The following MATN1 variants were observed in gnomAD, a reference collection of about 807,000 sequenced individuals.
MATN1 encodes matrilin 1.
Under a neutral mutation model 41.3 loss-of-function variants are expected in MATN1, and 34 were observed. That is an observed-to-expected ratio of 0.82 (90% CI 0.63 to 1.10). MATN1 has a LOEUF of 1.10. Ranked by LOEUF, MATN1 falls within the 50% of genes least tolerant of loss-of-function variation. The pLI, the probability that MATN1 is intolerant of heterozygous loss-of-function variation, is 0.00. For synonymous variants in MATN1, 264 were observed against 278.7 expected (o/e 0.95, Z 0.53); for missense variants, 602 against 662.4 (o/e 0.91, Z 1.00).
At chr1:30,719,005 G>T in intron 2 of MATN1, 48 bp from the exon 3 acceptor site, 1 of 1,399,546 alleles carries the variant, frequency 7.1e-7, no homozygotes, top group South Asian at 1.4e-5. Context: ...AAGCCCACGG[G>T]ACTGTCCAGG....
rs553570496 is a variant in MATN1, at chr1:30,711,607, C to A, written c.*1975G>T. The A allele has an allele frequency of 6.6e-6, 1 of 152,262 alleles. No individual in the cohort carries two copies. Among genetic ancestry groups the A allele is most frequent in the African/African-American group, 2.4e-5 (1 of 41,440 alleles). 9.4% of individuals were successfully genotyped at this position (152,262 alleles called of 1,614,324 possible). A position where few individuals can be genotyped will look rare whatever the true frequency, so the allele number is the denominator to read the frequency against. ...ACTCCACCCACCGGGCAGGGAAGAACGAGGTCCTATTCCCAGGCAGGGCTT... is the reference window on the plus strand; with the variant it reads ...ACTCCACCCACCGGGCAGGGAAGAAAGAGGTCCTATTCCCAGGCAGGGCTT... On this transcript the variant is annotated 3_prime_UTR_variant, in exon 8 of 8. Transcript: ENST00000373765.
chr1:30,722,842 G>T (rs1192653689), intron 1 of MATN1, among the ~76,000 whole-genome samples: 1 of 152,176 alleles, frequency 6.6e-6, no homozygotes, highest in East Asian at 1.9e-4. Context: ...GCTCCCTGCT[G>T]TCTACTCGCT....
chr1:30,721,539 C>T lies in MATN1; in HGVS notation c.307G>A (p.Ala103Thr), dbSNP rs368228632. 2.5e-5 allele frequency: 40 copies of T among 1,613,180 alleles called. No individual in the cohort carries two copies. The highest frequency in any genetic ancestry group is 3.3e-5 in the South Asian group (3 of 91,084). Residue 103 changes from alanine to threonine, a missense_variant, in exon 2 of 8, where the codon GCA becomes ACA. By Grantham distance (58) the Ala-to-Thr change is moderately conservative (BLOSUM62 0). Coordinates refer to ENST00000373765, the MANE Select transcript of MATN1 (RefSeq NM_002379.3). ...FSLRAHVSKA[A>T]LLQAVRRIQP... ...ATACGGCGCACAGCCTGCAGCAGTG[C>T]GGCCTTGGAGACATGAGCCCGCAGC...
rs145698521 is a variant in MATN1 at position 30,721,521 on chromosome 1, G to T, written c.325C>A (p.Arg109Ser). 10 of 1,613,098 alleles carry T rather than the reference G, an allele frequency of 6.2e-6. No homozygotes were observed. In the African/African-American group the frequency reaches 1.1e-4, roughly 17 times the overall value. ...CCTGTGGACAGCGGCTGGATACGGC[G>T]CACAGCCTGCAGCAGTGCGGCCTTG... is the stretch of plus-strand genomic sequence containing the variant. Reference protein sequence around the residue: ...VSKAALLQAVRRIQPLSTGTM... With the variant: ...VSKAALLQAVSRIQPLSTGTM... Residue 109 changes from arginine (R) to serine (S), a missense_variant, in exon 2 of 8, where the codon CGC becomes AGC. Arg to Ser is a moderately radical substitution (Grantham distance 110). Transcript: ENST00000373765.
At chr1:30,715,363 G>C (rs1294326263) in intron 5 of MATN1, 54 bp from the exon 6 acceptor site, 2 of 1,590,036 alleles carry the variant, frequency 1.3e-6, no homozygotes, top group African/African-American at 1.3e-5. Context: ...GCAACCATAT[G>C]GCTGAGCCTC....
chr1:30,713,603 G>A lies in MATN1; in HGVS notation c.1470C>T (p.Ile490=). ...AGCCTTAGACAACTGTGTTCTCCAGGATGGCCAGCCGCTTACTCACAGCTT... is the reference window on the plus strand; with the variant it reads ...AGCCTTAGACAACTGTGTTCTCCAGAATGGCCAGCCGCTTACTCACAGCTT... The part of the protein sequence containing the change: ...KLEAVSKRLA[I]LENTVV The change falls in exon 8 of 8, where the codon ATC becomes ATT. Residue 490 remains isoleucine (I), a synonymous_variant. Transcript: ENST00000373765. 3.2e-6 allele frequency: 5 copies of A among 1,554,094 alleles called. No individual in the cohort carries two copies. The highest frequency in any genetic ancestry group is 2.4e-5 in the East Asian group (1 of 41,426).
rs1261655244 is a variant in MATN1, at chr1:30,716,300, C to G, written c.816G>C (p.Ser272=). Residue 272 remains serine, a synonymous_variant, in exon 5 of 8, where the codon TCG becomes TCC. Coordinates refer to ENST00000373765, the MANE Select transcript of MATN1 (RefSeq NM_002379.3). ...CAATGAGGAAGACCAGGTCAGTGGC[C>G]GAGCTGCCACCACCACCACTGCAGA... ...CNVCSGGGGS[S]ATDLVFLIDG... is the part of the protein sequence containing the mutation. 5 of 1,613,684 alleles carry G rather than the reference C, an allele frequency of 3.1e-6. No individual in the cohort carries two copies. The highest frequency in any genetic ancestry group is 4.2e-6 in the Non-Finnish European group (5 of 1,179,832).
At chr1:30,722,863 A>G (rs1639714211) in intron 1 of MATN1, among the ~76,000 whole-genome samples, 1 of 152,182 alleles carries the variant, frequency 6.6e-6, no homozygotes, top group Non-Finnish European at 1.5e-5. Context: ...AAGGCTACAA[A>G]TGGGTAAACT....
chr1:30,718,081 G>C (rs1016233348), intron 3 of MATN1, among the ~76,000 whole-genome samples: 2 of 151,954 alleles, frequency 1.3e-5, no homozygotes, highest in Non-Finnish European at 2.9e-5. Flanking sequence ...GTCTAATCCA[G>C]GTTCCACCCC....
chr1:30,713,541 G>A lies in MATN1; in HGVS notation c.*41C>T, dbSNP rs376142553. ...AAAATGGTAAAGCTACGGCGGACAC[G>A]TGCAGGACGCTTGGAGAGGCCACAG... is the stretch of plus-strand genomic sequence containing the variant. On this transcript the variant is annotated 3_prime_UTR_variant, in exon 8 of 8. Transcript: ENST00000373765. 82 of 1,549,572 alleles carry A rather than the reference G, an allele frequency of 5.3e-5. No individual in the cohort carries two copies. Among genetic ancestry groups the A allele is most frequent in the Middle Eastern group, 1.7e-4 (1 of 5,990 alleles).
In MATN1 at chr1:30,716,347, C is replaced by T. The variant is rs116244983; in HGVS notation, c.791-22G>A. Reference sequence around the variant, plus strand: ...CAGACTGTGGAGGACAGGAAGGCAACGGGCTGAAGCTGAAGGACATAGTCA... The same window carrying T: ...CAGACTGTGGAGGACAGGAAGGCAATGGGCTGAAGCTGAAGGACATAGTCA... On this transcript the variant is annotated intron_variant, in intron 4 of 7. Coordinates refer to ENST00000373765, the MANE Select transcript of MATN1 (RefSeq NM_002379.3). 9,633 of 1,604,050 alleles carry T rather than the reference C, an allele frequency of 6.0e-3. 306 individuals carry two copies. The East Asian group carries it at 0.099, about 16-fold the overall frequency.
chr1:30,716,818 AGTGAAGCCCTC>A lies in MATN1; in HGVS notation c.751_761del (p.Glu251SerfsTer21). 1 of 1,613,998 alleles carries A rather than the reference AGTGAAGCCCTC, an allele frequency of 6.2e-7. No individual in the cohort carries two copies. The highest frequency in any genetic ancestry group is 2.2e-5 in the East Asian group (1 of 44,888). ...TGCAGGTCTTGCCGTCGCTGTTCAG[AGTGAAGCCCTC>A]GTGGCAGGCGCAGGTGTAGGAACCG... is the stretch of plus-strand genomic sequence containing the variant. On this transcript the variant is annotated frameshift_variant, in exon 4 of 8. Coordinates refer to ENST00000373765, the MANE Select transcript of MATN1 (RefSeq NM_002379.3). LOFTEE classifies it high-confidence loss of function.
rs958747206 is a variant in MATN1, at chr1:30,721,815, C to T, written c.95-64G>A. The T allele has an allele frequency of 2.2e-6, 3 of 1,365,300 alleles. No individual in the cohort carries two copies. The African/African-American group carries it at 4.3e-5, about 19-fold the overall frequency. The allele number at this position is 1,365,300 out of a possible 1,614,324, so 84.6% of individuals were successfully genotyped here. On this transcript the variant is annotated intron_variant, in intron 1 of 7. Transcript: ENST00000373765. ...ACACAGGTCAGGGACTGGGCCTGAA[C>T]ACACAGAGTGCGGCTTCTTAGATCC...
chr1:30,719,014 G>T, intron 2 of MATN1, 57 bp from the exon 3 acceptor site: 2 of 1,301,206 alleles, frequency 1.5e-6, no homozygotes, highest in Non-Finnish European at 2.0e-6. Context: ...GGACTGTCCA[G>T]GAGAGGAGGC....
At chr1:30,722,425 C>A (rs957632360) in intron 1 of MATN1, among the ~76,000 whole-genome samples, 4 of 152,266 alleles carry the variant, frequency 2.6e-5, no homozygotes, top group African/African-American at 4.8e-5. Context: ...CCAAGACACA[C>A]CCCCGAGGAG....
In MATN1 at chr1:30,721,659, A is replaced by T; in HGVS notation, c.187T>A (p.Phe63Ile). The T allele has an allele frequency of 6.2e-7, 1 of 1,613,414 alleles. No individual in the cohort carries two copies. Among genetic ancestry groups the T allele is most frequent in the Non-Finnish European group, 8.5e-7 (1 of 1,180,024 alleles). ...RPVEFEKVKVFLSQVIESLDV... is the reference protein window; with the variant it reads ...RPVEFEKVKVILSQVIESLDV... ...AGCGACTCGATGACCTGGGACAGGA[A>T]TACCTTCACTTTCTCAAATTCAACA... is the stretch of plus-strand genomic sequence containing the variant. The change falls in exon 2 of 8, where the codon TTC (phenylalanine) becomes ATC (isoleucine). Residue 63 changes from phenylalanine to isoleucine, a missense_variant. Coordinates refer to ENST00000373765, the MANE Select transcript of MATN1 (RefSeq NM_002379.3).
rs1293525148 is a variant in MATN1 at position 30,717,567 on chromosome 1, C to A, written c.665-652G>T. Among the ~76,000 whole-genome samples, 74 of 152,098 alleles carry A rather than the reference C, an allele frequency of 4.9e-4. 1 individual carries two copies. Among genetic ancestry groups the A allele is most frequent in the Non-Finnish European group, 1.5e-5 (1 of 68,032 alleles). On this transcript the variant is annotated intron_variant, in intron 3 of 7. Transcript: ENST00000373765. ...GTAGGTTTTCTGGGAGCTCTCCTTCCTGAGCTCTGGGCCCTCCTTGGTCCC... is the reference window on the plus strand; with the variant it reads ...GTAGGTTTTCTGGGAGCTCTCCTTCATGAGCTCTGGGCCCTCCTTGGTCCC...
chr1:30,722,739 C>T (rs565071252), intron 1 of MATN1, among the ~76,000 whole-genome samples: 1 of 152,308 alleles, frequency 6.6e-6, no homozygotes, highest in Non-Finnish European at 1.5e-5. Context: ...CAGGGCCGTC[C>T]CAACCCCCAA....
At chr1:30,722,994 G>A (rs962842653) in intron 1 of MATN1, among the ~76,000 whole-genome samples, 3 of 152,146 alleles carry the variant, frequency 2.0e-5, no homozygotes, top group Non-Finnish European at 4.4e-5. Flanking sequence ...TTCCCCATCT[G>A]TACAGGAAGA....
Sources: allele counts gnomAD v4.1 joint callset (sites outside exome capture counted in the v4.1 genomes callset), GRCh38; gene constraint gnomAD v4.1.1; transcripts MANE v1.5; gene names NCBI Gene and HGNC (gene_info 2026-07-23, HGNC 2026-07-21).